The following NPHP4 variants were observed in gnomAD, a reference collection of about 807,000 sequenced individuals.
NPHP4 encodes nephrocystin 4.
NPHP4 carries 151 observed loss-of-function variants against 155.8 expected under a neutral mutation model. The ratio of observed to expected loss-of-function variants is 0.97; its 90% confidence interval spans 0.85 to 1.11. The LOEUF is 1.11. Ranked by LOEUF, NPHP4 falls within the 50% of genes least tolerant of loss-of-function variation. NPHP4 has a pLI of 0.00. For synonymous variants in NPHP4, 845 were observed against 816.8 expected (o/e 1.03, Z -0.59); for missense variants, 1,956 against 1,925.7 (o/e 1.02, Z -0.29).
intron 11 of NPHP4, among the ~76,000 whole-genome samples, chr1:5,918,920 T>A (rs990009912): frequency 6.6e-6 from 1 of 152,222 alleles, no homozygotes; most frequent in African/African-American, 2.4e-5. Context: ...GCCTTTTGTT[T>A]AAACTATTTT....
intron 3 of NPHP4, among the ~76,000 whole-genome samples, chr1:5,971,645 G>A (rs1410178467): frequency 6.6e-6 from 1 of 152,194 alleles, no homozygotes; most frequent in Non-Finnish European, 1.5e-5. Flanking sequence ...GGTCACCGGT[G>A]CCTGACCACC....
rs547015283 is a variant in NPHP4, at chr1:5,935,906, A to C, written c.1120-2577T>G. 4.6e-4 allele frequency among the ~76,000 whole-genome samples: 70 copies of C among 152,332 alleles called. 1 individual carries two copies. Among genetic ancestry groups the C allele is most frequent in the Non-Finnish European group, 6.9e-4 (47 of 68,032 alleles). On this transcript the variant is annotated intron_variant, in intron 9 of 29. Transcript: ENST00000378156. ...AAAAAAATCAAATTACTATAAATGT[A>C]TTAGGAAAACTTGTCACTATAAGGA...
intron 3 of NPHP4, among the ~76,000 whole-genome samples, chr1:5,972,623 A>G (rs1176883866): frequency 6.6e-6 from 1 of 152,192 alleles, no homozygotes; most frequent in African/African-American, 2.4e-5. Context: ...CTGCTTATGG[A>G]AAAGCACATG....
intron 3 of NPHP4, among the ~76,000 whole-genome samples, chr1:5,977,124 T>TC (rs946434843): frequency 2.7e-5 from 4 of 150,342 alleles, no homozygotes; most frequent in Admixed American, 2.0e-4. Flanking sequence ...CCTCTCAAAC[T>TC]CCCCCCACTC....
intron 2 of NPHP4, among the ~76,000 whole-genome samples, chr1:5,984,232 T>G (rs1476056811): frequency 6.6e-6 from 1 of 152,222 alleles, no homozygotes; most frequent in African/African-American, 2.4e-5. Context: ...TGCCTGAATT[T>G]TTTTGAAAAG....
intron 9 of NPHP4, among the ~76,000 whole-genome samples, chr1:5,935,612 C>T (rs947753556): frequency 3.3e-5 from 5 of 152,054 alleles, no homozygotes; most frequent in Non-Finnish European, 7.3e-5. Context: ...CGGTGGCTCA[C>T]GCCTGTAATC....
intron 16 of NPHP4, among the ~76,000 whole-genome samples, chr1:5,904,140 G>C (rs1570355934): frequency 6.6e-6 from 1 of 152,186 alleles, no homozygotes; most frequent in Non-Finnish European, 1.5e-5. Flanking sequence ...ACAGAGACAG[G>C]TACGGTGGCA....
intron 22 of NPHP4, among the ~76,000 whole-genome samples, chr1:5,874,054 ACATGCTCCCTGCACG>A (rs1171940623): frequency 1.3e-5 from 2 of 152,018 alleles, no homozygotes; most frequent in Non-Finnish European, 2.9e-5. Context: ...CTCCCTGCAC[ACATGCTCCCTGCACG>A]CATGCTCCCC....
intron 6 of NPHP4, among the ~76,000 whole-genome samples, chr1:5,955,246 G>C (rs1324461729): frequency 6.6e-6 from 1 of 152,206 alleles, no homozygotes; most frequent in Non-Finnish European, 1.5e-5. Flanking sequence ...CATTGGTGAG[G>C]ACGTGGAGAA....
At position 5,873,502 on chromosome 1, in the gene NPHP4, C is replaced by T. The variant is rs1007376618; in HGVS notation, c.3232-167G>A. 26 of 647,628 alleles carry T rather than the reference C, an allele frequency of 4.0e-5. 1 individual carries two copies. The highest frequency in any genetic ancestry group is 3.4e-4 in the Admixed American group (12 of 35,428). The allele number at this position is 647,628 out of a possible 1,614,324, so 40.1% of individuals were successfully genotyped here. On this transcript the variant is annotated intron_variant, in intron 22 of 29. Coordinates refer to ENST00000378156, the MANE Select transcript of NPHP4 (RefSeq NM_015102.5). ...ACCGGCCTCACTGTGCCAGAGAAGG[C>T]TGAGGCTGCCAGGAACAAAGGGAAC...
Position 5,889,086 on chromosome 1 carries a change from G to A in NPHP4, c.2305-1620C>T, listed in dbSNP as rs1203999701. 6.6e-6 allele frequency among the ~76,000 whole-genome samples: 1 copy of A among 152,188 alleles called. No individual in the cohort carries two copies. Among genetic ancestry groups the A allele is most frequent in the African/African-American group, 2.4e-5 (1 of 41,442 alleles). The stretch of plus-strand genomic sequence containing the variant: ...GCAGCACAGGAGCCGTCCGTCCCTA[G>A]AGGAAACTCTTCTCATCGTCGTAGC... On this transcript the variant is annotated intron_variant, in intron 17 of 29. Coordinates refer to ENST00000378156, the MANE Select transcript of NPHP4 (RefSeq NM_015102.5). The surrounding 1 kb of genome is among the most constrained non-coding windows in gnomAD (Gnocchi z 4.2).
chr1:5,865,038 C>T (rs1315042147), intron 27 of NPHP4, 64 bp downstream of exon 27: 1 of 1,530,670 alleles, frequency 6.5e-7, no homozygotes, highest in Non-Finnish European at 9.0e-7. Flanking sequence ...CAGCTGAATG[C>T]CCACTGCCCG....
At position 5,960,974 on chromosome 1, in the gene NPHP4, T is replaced by C. The variant is rs115634364; in HGVS notation, c.673+820A>G. On this transcript the variant is annotated intron_variant, in intron 6 of 29. Transcript: ENST00000378156. ...AACTGATGAAACAATCAGCAGAACA[T>C]GGTCCATCCATAGACTGGAATATCA... Among the ~76,000 whole-genome samples the C allele has an allele frequency of 5.6e-3, 847 of 152,248 alleles. 11 individuals are homozygous for C. Among genetic ancestry groups the C allele is most frequent in the African/African-American group, 0.019 (802 of 41,536 alleles).
Position 5,863,385 on chromosome 1 carries a change from G to A in NPHP4, c.4161C>T (p.Tyr1387=), listed in dbSNP as rs1212374217. ...TAGGCGCAAACTGCAAGCCGATGGTGTAGGTCTCTCCACCCCCGACCTGGA... is the reference window on the plus strand; with the variant it reads ...TAGGCGCAAACTGCAAGCCGATGGTATAGGTCTCTCCACCCCCGACCTGGA... ...DSFQVGGGET[Y]TIGLQFAPSQ... is the part of the protein sequence containing the mutation. Residue 1387 remains tyrosine, a synonymous_variant, in exon 30 of 30, where the codon TAC becomes TAT. Coordinates refer to ENST00000378156, the MANE Select transcript of NPHP4 (RefSeq NM_015102.5). 1 of 1,613,932 alleles carries A rather than the reference G, an allele frequency of 6.2e-7. No homozygotes were observed. The highest frequency in any genetic ancestry group is 1.1e-5 in the South Asian group (1 of 91,086).
At chr1:5,916,607 A>G (rs1354496027) in intron 11 of NPHP4, among the ~76,000 whole-genome samples, 2 of 152,146 alleles carry the variant, frequency 1.3e-5, no homozygotes, top group African/African-American at 4.8e-5. Flanking sequence ...CCACCGTTCA[A>G]CTCCTGGTCC....
chr1:5,962,124 C>T (rs546344152), intron 5 of NPHP4, among the ~76,000 whole-genome samples, 175 bp from the exon 6 acceptor site: 1 of 152,280 alleles, frequency 6.6e-6, no homozygotes, highest in African/African-American at 2.4e-5. Context: ...TCTTTAATAA[C>T]CTTCTCTGGT....
intron 16 of NPHP4, among the ~76,000 whole-genome samples, chr1:5,903,888 C>T (rs182104293): frequency 6.6e-5 from 10 of 152,288 alleles, no homozygotes; most frequent in South Asian, 2.1e-4. Flanking sequence ...AGCAAGCAGA[C>T]GCCAAGGGCG....
chr1:5,897,095 T>C (rs1383926004), intron 16 of NPHP4, among the ~76,000 whole-genome samples: 1 of 152,244 alleles, frequency 6.6e-6, no homozygotes, highest in Non-Finnish European at 1.5e-5. Flanking sequence ...GGAGCATGTA[T>C]ATGTAGTTCA....
Position 5,933,139 on chromosome 1 carries a change from T to C in NPHP4, c.1302+8A>G. Reference sequence around the variant, plus strand: ...CCGGAGATGCATAAGAAATACCTAATAATTTACCTCTTCAGAGCTCATGCT... The same window carrying C: ...CCGGAGATGCATAAGAAATACCTAACAATTTACCTCTTCAGAGCTCATGCT... On this transcript the variant is annotated splice_region_variant and intron_variant, in intron 10 of 29. Transcript: ENST00000378156. The C allele has an allele frequency of 6.5e-7, 1 of 1,532,512 alleles. No individual in the cohort carries two copies. Among genetic ancestry groups the C allele is most frequent in the East Asian group, 2.3e-5 (1 of 43,538 alleles). 94.9% of individuals were successfully genotyped at this position (1,532,512 alleles called of 1,614,324 possible). A position where few individuals can be genotyped will look rare whatever the true frequency, so the allele number is the denominator to read the frequency against.
Sources: gnomAD v4.1 joint callset for allele counts (sites outside exome capture counted in the v4.1 genomes callset) on GRCh38, gnomAD v4.1.1 for gene constraint, Gnocchi (gnomAD v3.1) non-coding constraint, MANE v1.5 for transcripts, NCBI Gene and HGNC (gene_info 2026-07-23, HGNC 2026-07-21) for gene names.